ZFHX3: variants seen among roughly 807,000 people sequenced by gnomAD.
ZFHX3 encodes the protein zinc finger homeobox protein 3.
In ZFHX3, 42 loss-of-function variants were observed where a neutral mutation model predicts 279.1. The ratio of observed to expected loss-of-function variants is 0.15; its 90% CI spans 0.12 to 0.19. The LOEUF (loss-of-function observed/expected upper bound fraction) is 0.19. Ranked by LOEUF, ZFHX3 falls within the 10% of genes least tolerant of loss-of-function variation. ZFHX3 has a pLI of 1.00. For missense variants in ZFHX3, 4,981 were observed against 4,754.0 expected, an observed-to-expected ratio of 1.05 and a Z score of -1.40; for synonymous variants, 2,293 against 1,957.8, an observed-to-expected ratio of 1.17 and a Z score of -4.52.
intron 2 of ZFHX3, among the ~76,000 whole-genome samples, chr16:73,620,470 G>A (rs1006215953): frequency 2.6e-5 from 4 of 152,240 alleles, no homozygotes; most frequent in African/African-American, 9.6e-5. Flanking sequence ...GCTGTCAGGG[G>A]TGGAGGGACA....
chr16:73,111,056 C>T (rs545690352), intron 7 of ZFHX3, among the ~76,000 whole-genome samples: 13 of 152,120 alleles, frequency 8.5e-5, no homozygotes, highest in Admixed American at 7.9e-4. Flanking sequence ...TTCTCCTGCC[C>T]CAGACTCCTG....
At chr16:73,003,194 A>G (rs938953852) in intron 1 of ZFHX3, among the ~76,000 whole-genome samples, 16 of 152,042 alleles carry the variant, frequency 1.1e-4, no homozygotes, top group African/African-American at 3.1e-4. Flanking sequence ...AATGTCTGTT[A>G]TAAGTGTCTG....
intron 8 of ZFHX3, among the ~76,000 whole-genome samples, chr16:72,799,681 T>G (rs1567520810): frequency 6.6e-6 from 1 of 152,218 alleles, no homozygotes; most frequent in East Asian, 1.9e-4. Flanking sequence ...TCCCTACTAA[T>G]TAAGTCCTCA....
intron 2 of ZFHX3, among the ~76,000 whole-genome samples, chr16:73,565,112 G>T (rs1597001423): frequency 6.6e-6 from 1 of 152,138 alleles, no homozygotes; most frequent in Non-Finnish European, 1.5e-5. Flanking sequence ...CACGTAGCTG[G>T]ATGTGGTGGC....
intron 8 of ZFHX3, among the ~76,000 whole-genome samples, chr16:73,065,802 GA>G (rs920604513): frequency 9.2e-5 from 14 of 151,678 alleles, no homozygotes; most frequent in East Asian, 1.9e-4. Flanking sequence ...AAATAAAGTT[GA>G]AAAAAAATTC....
chr16:73,554,397 G>C (rs991002156), intron 2 of ZFHX3: 1 of 151,958 alleles, frequency 6.6e-6, no homozygotes. Flanking sequence ...CATTCTCCAA[G>C]TTAGTGAAAA....
chr16:72,976,891 C>T (rs1334407166), intron 1 of ZFHX3, among the ~76,000 whole-genome samples: 2 of 152,302 alleles, frequency 1.3e-5, no homozygotes, highest in East Asian at 1.9e-4. Context: ...GCCAGTGCCC[C>T]GGGAGTTCTA....
At chr16:73,145,291 C>G (rs1207737422) in intron 5 of ZFHX3, among the ~76,000 whole-genome samples, 1 of 152,180 alleles carries the variant, frequency 6.6e-6, no homozygotes, top group Admixed American at 6.5e-5. Context: ...TGATCAAAGT[C>G]AGGGGTCAGG....
intron 1 of ZFHX3, among the ~76,000 whole-genome samples, chr16:72,997,271 T>C (rs1963331553): frequency 6.6e-6 from 1 of 152,186 alleles, no homozygotes; most frequent in Non-Finnish European, 1.5e-5. Context: ...TGGTGCTGTC[T>C]TGCATATGGG....
At chr16:73,555,806 T>C (rs1452601011) in intron 2 of ZFHX3, among the ~76,000 whole-genome samples, 1 of 147,552 alleles carries the variant, frequency 6.8e-6, no homozygotes, top group Non-Finnish European at 1.5e-5. Context: ...TACTCCAGCC[T>C]AGGCAACAAG....
At chr16:73,089,349 G>A (rs1456361505) in intron 8 of ZFHX3, among the ~76,000 whole-genome samples, 1 of 152,140 alleles carries the variant, frequency 6.6e-6, no homozygotes, top group Non-Finnish European at 1.5e-5. Context: ...GGTGATCCAC[G>A]TAAAGTGGAT....
At chr16:72,826,350 ATAT>A (rs1349078285) in intron 5 of ZFHX3, among the ~76,000 whole-genome samples, 4 of 152,214 alleles carry the variant, frequency 2.6e-5, no homozygotes, top group Non-Finnish European at 5.9e-5. Context: ...CCCATCTGAA[ATAT>A]TATTAATCTG....
Position 72,889,782 on chromosome 16 carries a change from C to T in ZFHX3, c.3397G>A (p.Glu1133Lys), listed in dbSNP as rs773768765. Residue 1133 changes from glutamate to lysine, a missense_variant, in exon 4 of 10, where the codon GAG (glutamate) becomes AAG (lysine). Glu to Lys is a moderately conservative substitution (Grantham distance 56, BLOSUM62 1). Around this residue, in one of 7 missense-constraint regions of ZFHX3, gnomAD observed 1,751 missense variants for 1,770.0 expected, o/e 0.99. Coordinates refer to ENST00000268489, the MANE Select transcript of ZFHX3 (RefSeq NM_006885.4). ...ATGGTGAAGATCTGCCCCAGGTCCT[C>T]GTCCTCCTCTGGAAGGCCCTTCTGC... ...RLQKGLPEED[E>K]DLGQIFTIRR... The T allele has an allele frequency of 5.0e-6, 8 of 1,613,206 alleles. No homozygotes were observed. The African/African-American group carries it at 5.3e-5, about 11-fold the overall frequency.
Position 72,795,534 on chromosome 16 carries a change from C to T in ZFHX3, c.7148G>A (p.Ser2383Asn). The change falls in exon 9 of 10, where the codon AGT becomes AAT. Residue 2383 changes from serine to asparagine, a missense_variant. By Grantham distance (46) the Ser-to-Asn change is conservative (BLOSUM62 1). Around this residue, in one of 7 missense-constraint regions of ZFHX3, gnomAD observed 744 missense variants for 701.3 expected, o/e 1.06. Coordinates refer to ENST00000268489, the MANE Select transcript of ZFHX3 (RefSeq NM_006885.4). ...EILTPTSSSC[S>N]TPMPSQAYSA... The stretch of plus-strand genomic sequence containing the variant: ...GTAAGCCTGTGAGGGCATCGGGGTA[C>T]TGCAGGATGAGCTGGTAGGCGTCAG... 1.2e-6 allele frequency: 2 copies of T among 1,614,096 alleles called. No individual in the cohort carries two copies. The highest frequency in any genetic ancestry group is 1.7e-6 in the Non-Finnish European group (2 of 1,180,030).
At chr16:73,105,436 C>CACACATATATATATATAT (rs1311060900) in intron 7 of ZFHX3, among the ~76,000 whole-genome samples, 12 of 83,950 alleles carry the variant, frequency 1.4e-4, no homozygotes, top group Non-Finnish European at 2.4e-4. Context: ...TATATATACA[C>CACACATATATATATATAT]ACACACACAT....
intron 3 of ZFHX3, among the ~76,000 whole-genome samples, chr16:72,941,605 G>C (rs1306355612): frequency 6.6e-6 from 1 of 152,108 alleles, no homozygotes; most frequent in Non-Finnish European, 1.5e-5. Flanking sequence ...GACCACTTGA[G>C]CCCAGGAGTT....
At chr16:73,364,676 T>C (rs1227580966) in intron 3 of ZFHX3, among the ~76,000 whole-genome samples, 1 of 152,186 alleles carries the variant, frequency 6.6e-6, no homozygotes, top group Non-Finnish European at 1.5e-5. Flanking sequence ...ATTCTTGTTA[T>C]ATAAGGTTTT....
At chr16:72,989,856 T>C (rs1461402650) in intron 1 of ZFHX3, among the ~76,000 whole-genome samples, 1 of 152,190 alleles carries the variant, frequency 6.6e-6, no homozygotes, top group African/African-American at 2.4e-5. Context: ...GAAGTGGTGT[T>C]AGTCAGCACC....
At chr16:73,548,092 T>C (rs1193933670) in intron 2 of ZFHX3, among the ~76,000 whole-genome samples, 1 of 152,246 alleles carries the variant, frequency 6.6e-6, no homozygotes, top group East Asian at 1.9e-4. Context: ...GATTTCTGTT[T>C]AGCTCCATCC....
Sources: allele counts gnomAD v4.1 joint callset (sites outside exome capture counted in the v4.1 genomes callset), GRCh38; gene constraint gnomAD v4.1.1; regional missense constraint gnomAD v4.1.1; transcripts MANE v1.5; gene names NCBI Gene and HGNC (gene_info 2026-07-23, HGNC 2026-07-21).